The following ARHGAP26 variants were observed in gnomAD, a reference collection of about 807,000 sequenced individuals.
ARHGAP26 encodes the protein rho GTPase-activating protein 26.
Under a neutral mutation model 104.8 loss-of-function variants are expected in ARHGAP26, and 38 were observed. The ratio of observed to expected loss-of-function variants is 0.36; its 90% CI spans 0.28 to 0.48. ARHGAP26 has a LOEUF of 0.48. Ranked by LOEUF, ARHGAP26 falls within the 20% of genes least tolerant of loss-of-function variation. The pLI is 0.99. For synonymous variants in ARHGAP26, 341 were observed against 340.0 expected, an observed-to-expected ratio of 1.00 and a Z score of -0.03; for missense variants, 704 against 947.9, an observed-to-expected ratio of 0.74 and a Z score of 3.38.
chr5:143,164,187 C>T (rs1363452821), intron 20 of ARHGAP26, among the ~76,000 whole-genome samples: 1 of 151,772 alleles, frequency 6.6e-6, no homozygotes, highest in Non-Finnish European at 1.5e-5. Context: ...GGATTATTTT[C>T]TGACCTTATA....
intron 1 of ARHGAP26, among the ~76,000 whole-genome samples, chr5:142,850,447 A>G (rs1751292406): frequency 6.6e-6 from 1 of 152,180 alleles, no homozygotes; most frequent in African/African-American, 2.4e-5. Context: ...CAACAACAAC[A>G]ACAAAACACA....
In ARHGAP26 at chr5:143,194,909, G is replaced by C. The variant is rs191703378; in HGVS notation, c.1989-12289G>C. On this transcript the variant is annotated intron_variant, in intron 20 of 22. Coordinates refer to ENST00000645722, the MANE Select transcript of ARHGAP26 (RefSeq NM_001135608.3). ...ATTGTGGAGGGCCAGCGGGAACACAGGGAGAGTGTCAGGTTTGTGAATGGT... is the reference window on the plus strand; with the variant it reads ...ATTGTGGAGGGCCAGCGGGAACACACGGAGAGTGTCAGGTTTGTGAATGGT... Among the ~76,000 whole-genome samples the C allele has an allele frequency of 4.2e-3, 645 of 152,318 alleles. 4 individuals are homozygous for C. Among genetic ancestry groups the C allele is most frequent in the South Asian group, 8.9e-3 (43 of 4,822 alleles).
At position 142,902,083 on chromosome 5, in the gene ARHGAP26, A is replaced by T. The variant is rs777524995; in HGVS notation, c.702+44A>T. On this transcript the variant is annotated intron_variant, in intron 7 of 22. Coordinates refer to ENST00000645722, the MANE Select transcript of ARHGAP26 (RefSeq NM_001135608.3). The stretch of plus-strand genomic sequence containing the variant: ...AGGCTTCTTTTATCTGGTTAAGGAA[A>T]AACAAAATATGGGCCTGATTGCCCT... 67 of 1,544,218 alleles carry T rather than the reference A, an allele frequency of 4.3e-5. No individual in the cohort carries two copies. The African/African-American group carries it at 8.6e-4, about 20-fold the overall frequency.
intron 1 of ARHGAP26, among the ~76,000 whole-genome samples, chr5:142,788,887 TTA>T (rs1409727652): frequency 6.6e-6 from 1 of 152,242 alleles, no homozygotes; most frequent in Non-Finnish European, 1.5e-5. Flanking sequence ...GTTAAGTGTT[TTA>T]TAAAGTTTAT....
intron 17 of ARHGAP26, among the ~76,000 whole-genome samples, chr5:143,076,092 T>C (rs947673335): frequency 6.6e-5 from 10 of 151,312 alleles, no homozygotes; most frequent in Non-Finnish European, 1.5e-4. Flanking sequence ...CTGGACCTCC[T>C]GGGCTAAGGT....
At position 143,121,147 on chromosome 5, in the gene ARHGAP26, G is replaced by A; in HGVS notation, c.1698G>A (p.Lys566=). The change falls in exon 18 of 23, where the codon AAG becomes AAA. Residue 566 remains lysine, a splice_region_variant and synonymous_variant. Coordinates refer to ENST00000645722, the MANE Select transcript of ARHGAP26 (RefSeq NM_001135608.3). The part of the protein sequence containing the change: ...VIEILIENHE[K]IFNTVPDMPL... ...AGATCCTAATAGAAAACCACGAAAA[G>A]GTAATATGTAATTGATCACTTGCAG... is the stretch of plus-strand genomic sequence containing the variant. 1.2e-6 allele frequency: 2 copies of A among 1,612,152 alleles called. No individual in the cohort carries two copies. The highest frequency in any genetic ancestry group is 1.7e-6 in the Non-Finnish European group (2 of 1,178,694).
intron 20 of ARHGAP26, among the ~76,000 whole-genome samples, chr5:143,162,711 G>A (rs984309779): frequency 6.6e-6 from 1 of 152,194 alleles, no homozygotes; most frequent in African/African-American, 2.4e-5. Flanking sequence ...GGCACCAACT[G>A]TTGAATATTT....
chr5:143,069,582 A>T (rs1018551176), intron 17 of ARHGAP26, among the ~76,000 whole-genome samples: 1 of 152,218 alleles, frequency 6.6e-6, no homozygotes, highest in African/African-American at 2.4e-5. Flanking sequence ...ATAGGACCAC[A>T]TGTAATGGGA....
chr5:143,004,606 G>A (rs728464), intron 11 of ARHGAP26, among the ~76,000 whole-genome samples: 114,457 of 152,072 alleles, frequency 0.75, 43,967 homozygotes, highest in Middle Eastern at 0.84. Context: ...ATTTATGTTC[G>A]GCTGAAATCT....
At chr5:143,220,961 G>A (rs756614276) in intron 22 of ARHGAP26, among the ~76,000 whole-genome samples, 1 of 152,224 alleles carries the variant, frequency 6.6e-6, no homozygotes, top group Admixed American at 6.5e-5. Flanking sequence ...ACAAGCTCAG[G>A]AAGTCATTTA....
chr5:142,941,074 C>CAAAAAA (rs1162903888), intron 11 of ARHGAP26, among the ~76,000 whole-genome samples: 3 of 27,246 alleles, frequency 1.1e-4, no homozygotes, highest in African/African-American at 1.6e-4. Flanking sequence ...GACTCCATCT[C>CAAAAAA]AAAAAAAAAA....
chr5:142,837,926 A>G (rs1769918196), intron 1 of ARHGAP26, among the ~76,000 whole-genome samples: 1 of 152,090 alleles, frequency 6.6e-6, no homozygotes, highest in Non-Finnish European at 1.5e-5. Flanking sequence ...CCCTGCAGGG[A>G]TATTGGCAGA....
intron 12 of ARHGAP26, among the ~76,000 whole-genome samples, chr5:143,017,276 ACGGTGC>A (rs755507372): frequency 6.6e-6 from 1 of 152,238 alleles, no homozygotes; most frequent in Non-Finnish European, 1.5e-5. Context: ...CTCAGGGCAT[ACGGTGC>A]CTGTGGAGTA....
intron 11 of ARHGAP26, among the ~76,000 whole-genome samples, chr5:143,013,570 GT>G (rs771829603): frequency 9.2e-5 from 14 of 152,192 alleles, no homozygotes; most frequent in Non-Finnish European, 1.5e-4. Context: ...ACAGTCAACA[GT>G]TTTTGATGTA....
At chr5:142,782,005 G>A (rs558902513) in intron 1 of ARHGAP26, among the ~76,000 whole-genome samples, 221 of 152,326 alleles carry the variant, frequency 1.5e-3, no homozygotes, top group Admixed American at 4.7e-3. Context: ...ATGAGCCACT[G>A]CGCCTGGCCG....
rs1343609688 is a variant in ARHGAP26, at chr5:143,207,243, C to T, written c.2034C>T (p.Pro678=). Residue 678 remains proline (P), a synonymous_variant, in exon 21 of 23, where the codon CCC becomes CCT. Coordinates refer to ENST00000645722, the MANE Select transcript of ARHGAP26 (RefSeq NM_001135608.3). ...SPTSPLSPSW[P]MFSAPSSPMP... is the part of the protein sequence containing the mutation. ...CTTCACCCCTCTCGCCATCTTGGCC[C>T]ATGTTCTCGGCGCCATCCAGCCCTA... The T allele has an allele frequency of 1.9e-6, 3 of 1,614,036 alleles. No individual in the cohort carries two copies. The South Asian group carries it at 3.3e-5, about 18-fold the overall frequency.
chr5:142,797,176 T>C (rs1269398924), intron 1 of ARHGAP26, among the ~76,000 whole-genome samples: 1 of 152,194 alleles, frequency 6.6e-6, no homozygotes, highest in Non-Finnish European at 1.5e-5. Flanking sequence ...CTAAGAGCAT[T>C]GTATCATTTC....
chr5:143,144,496 C>G (rs1445694545), intron 19 of ARHGAP26, among the ~76,000 whole-genome samples: 1 of 152,136 alleles, frequency 6.6e-6, no homozygotes, highest in Non-Finnish European at 1.5e-5. Flanking sequence ...GCCTTGAACT[C>G]CCAGGCTGAA....
chr5:142,862,336 A>C (rs1753518804), intron 1 of ARHGAP26, among the ~76,000 whole-genome samples: 1 of 152,222 alleles, frequency 6.6e-6, no homozygotes, highest in Non-Finnish European at 1.5e-5. Context: ...CCAGTCAGAA[A>C]ACCTTGTAAC....
Sources: gnomAD v4.1 joint callset for allele counts (sites outside exome capture counted in the v4.1 genomes callset) on GRCh38, gnomAD v4.1.1 for gene constraint, MANE v1.5 for transcripts, NCBI Gene and HGNC (gene_info 2026-07-23, HGNC 2026-07-21) for gene names.